The following GARIN2 variants were observed in gnomAD, a reference collection of about 807,000 sequenced individuals.
The protein encoded by GARIN2 is golgi associated RAB2 interactor family member 2, also known as Golgi-associated RAB2 interactor protein 2.
the GARIN2 span, among the ~76,000 whole-genome samples, chr14:67,191,577 C>A: frequency 6.6e-6 from 1 of 152,132 alleles, no homozygotes; most frequent in Non-Finnish European, 1.5e-5. Flanking sequence ...CTGCATTTAT[C>A]CCCAGGAAAA....
the GARIN2 span, among the ~76,000 whole-genome samples, chr14:67,190,890 G>A: frequency 6.6e-6 from 1 of 152,206 alleles, no homozygotes; most frequent in Admixed American, 6.5e-5. Flanking sequence ...AAAGCTCCAA[G>A]GAGCACAGAG....
the GARIN2 span, among the ~76,000 whole-genome samples, chr14:67,204,021 G>A: frequency 6.6e-6 from 1 of 151,892 alleles, no homozygotes; most frequent in Non-Finnish European, 1.5e-5. Flanking sequence ...CCATTCAGAC[G>A]TTTTTATACA....
the GARIN2 span, among the ~76,000 whole-genome samples, chr14:67,196,574 C>A: frequency 7.9e-5 from 12 of 152,122 alleles, no homozygotes; most frequent in Admixed American, 6.5e-5. Context: ...TTCAGGTAAT[C>A]GTAAGGAGCA....
At chr14:67,198,338 C>T in the GARIN2 span, 9 of 1,602,594 alleles carry the variant, frequency 5.6e-6, no homozygotes, top group Non-Finnish European at 5.1e-6. Flanking sequence ...ATATTCAAGG[C>T]CTGAGTTAAG....
chr14:67,201,699 G>A, the GARIN2 span: 9 of 353,514 alleles, frequency 2.5e-5, no homozygotes, highest in South Asian at 1.9e-4. Flanking sequence ...CCATGATATT[G>A]GACAAAACCA....
chr14:67,212,654 T>A, the GARIN2 span, among the ~76,000 whole-genome samples: 2 of 146,590 alleles, frequency 1.4e-5, no homozygotes, highest in Non-Finnish European at 1.5e-5. Flanking sequence ...CATATATATA[T>A]AATATATATT....
At chr14:67,195,794 A>G in the GARIN2 span, among the ~76,000 whole-genome samples, 1 of 149,552 alleles carries the variant, frequency 6.7e-6, no homozygotes, top group Non-Finnish European at 1.5e-5. Context: ...CCCAGGCTGG[A>G]GTGCAGTGGC....
the GARIN2 span, among the ~76,000 whole-genome samples, chr14:67,219,629 C>G: frequency 2.4e-4 from 36 of 152,242 alleles, no homozygotes; most frequent in Middle Eastern, 3.4e-3. Context: ...GGTACTGTTT[C>G]ATTAGTCTCA....
the GARIN2 span, among the ~76,000 whole-genome samples, chr14:67,226,217 A>G: frequency 6.1e-4 from 93 of 152,096 alleles, no homozygotes; most frequent in African/African-American, 2.1e-3. Context: ...TTTGAGACTG[A>G]ATCTTGCTCT....
chr14:67,199,177 T>C, the GARIN2 span: 2 of 1,604,010 alleles, frequency 1.2e-6, no homozygotes, highest in Non-Finnish European at 1.7e-6. Flanking sequence ...GCTGGACCAG[T>C]AGTCAACACC....
the GARIN2 span, chr14:67,221,894 G>C: frequency 6.5e-7 from 1 of 1,527,212 alleles, no homozygotes; most frequent in South Asian, 1.2e-5. Flanking sequence ...GTGTGGCTAA[G>C]AGCAAAGGAA....
At chr14:67,208,108 A>G in the GARIN2 span, 2 of 1,528,548 alleles carry the variant, frequency 1.3e-6, no homozygotes, top group Non-Finnish European at 1.8e-6. Flanking sequence ...GTGACGATGA[A>G]TGAAATGGTG....
the GARIN2 span, among the ~76,000 whole-genome samples, chr14:67,219,870 T>A: frequency 6.6e-6 from 1 of 152,208 alleles, no homozygotes; most frequent in Non-Finnish European, 1.5e-5. Context: ...AGTAATCCTC[T>A]TAAGCCCAAT....
chr14:67,193,805 T>G, the GARIN2 span, among the ~76,000 whole-genome samples: 488 of 141,924 alleles, frequency 3.4e-3, 4 homozygotes, highest in African/African-American at 0.012. Flanking sequence ...ATTAGCTGGG[T>G]ATGGTAGCGT....
At chr14:67,191,852 T>C in the GARIN2 span, among the ~76,000 whole-genome samples, 14 of 152,236 alleles carry the variant, frequency 9.2e-5, no homozygotes, top group Non-Finnish European at 1.6e-4. Flanking sequence ...CTCTTTTCTT[T>C]TACTAAAAGT....
chr14:67,205,501 A>T, the GARIN2 span, among the ~76,000 whole-genome samples: 1 of 152,186 alleles, frequency 6.6e-6, no homozygotes, highest in Non-Finnish European at 1.5e-5. Flanking sequence ...ATATAGCAGT[A>T]CCCAGTACCT....
chr14:67,196,695 G>T, the GARIN2 span: 3 of 152,104 alleles, frequency 2.0e-5, no homozygotes, highest in Admixed American at 1.3e-4. Flanking sequence ...CCACTGTTTG[G>T]CAGTTTCAGG....
At chr14:67,207,387 G>A in the GARIN2 span, among the ~76,000 whole-genome samples, 11 of 151,902 alleles carry the variant, frequency 7.2e-5, no homozygotes, top group African/African-American at 9.7e-5. Flanking sequence ...ACCAAATCTC[G>A]CATCAACTTA....
the GARIN2 span, among the ~76,000 whole-genome samples, chr14:67,194,763 T>C: frequency 3.9e-5 from 6 of 152,178 alleles, no homozygotes; most frequent in Admixed American, 1.3e-4. Context: ...GTTCAAGTGA[T>C]TCTCCTGCCT....
Sources: allele counts gnomAD v4.1 joint callset (sites outside exome capture counted in the v4.1 genomes callset), GRCh38; gene constraint gnomAD v4.1.1; transcripts MANE v1.5; gene names NCBI Gene and HGNC (gene_info 2026-07-23, HGNC 2026-07-21).